Variants in CAMSAP3 observed in about 807,000 individuals in gnomAD.
CAMSAP3 encodes the protein calmodulin regulated spectrin associated protein family member 3.
CAMSAP3 carries 34 observed loss-of-function variants against 112.5 expected under a neutral mutation model. The ratio of observed to expected loss-of-function variants is 0.30; its 90% confidence interval spans 0.23 to 0.40. CAMSAP3 has a LOEUF of 0.40. CAMSAP3 is among the 10% of genes least tolerant of loss of function. The pLI, the probability that CAMSAP3 is intolerant of heterozygous loss-of-function variation, is 1.00. For missense variants in CAMSAP3, 1,602 were observed against 1,770.3 expected (o/e 0.90, Z 1.71); for synonymous variants, 868 against 799.8 (o/e 1.09, Z -1.44).
chr19:7,616,454 C>T (rs976894436), intron 13 of CAMSAP3, 69 bp from the exon 14 acceptor site: 1 of 1,114,534 alleles, frequency 9.0e-7, no homozygotes, highest in Admixed American at 1.7e-5. Flanking sequence ...CCCCCCACAG[C>T]CTGCTGGACC....
chr19:7,618,086 C>A lies in CAMSAP3; in HGVS notation c.*29C>A. On this transcript the variant is annotated 3_prime_UTR_variant, in exon 17 of 17. Transcript: ENST00000160298. ...CACCCGGGCGGTCCACGGGCCGGGC[C>A]CTGTGTGCTGCGGCCGCCATCCCCT... 1 of 1,593,730 alleles carries A rather than the reference C, an allele frequency of 6.3e-7. No individual in the cohort carries two copies. The highest frequency in any genetic ancestry group is 8.5e-7 in the Non-Finnish European group (1 of 1,169,934).
chr19:7,612,971 C>G lies in CAMSAP3; in HGVS notation c.2478C>G (p.Ile826Met). 1 of 1,599,910 alleles carries G rather than the reference C, an allele frequency of 6.3e-7. No homozygotes were observed. Among genetic ancestry groups the G allele is most frequent in the Non-Finnish European group, 8.5e-7 (1 of 1,175,520 alleles). ...SQVPVQTRSSILLAEETPPEE... is the reference protein window; with the variant it reads ...SQVPVQTRSSMLLAEETPPEE... Reference sequence around the variant, plus strand: ...TGCCCGTGCAGACGCGCTCTTCCATCCTCCTGGCGGAGGAGACGCCCCCCG... The same window carrying G: ...TGCCCGTGCAGACGCGCTCTTCCATGCTCCTGGCGGAGGAGACGCCCCCCG... The change falls in exon 11 of 17, where the codon ATC becomes ATG. Residue 826 changes from isoleucine (I) to methionine (M), a missense_variant. By Grantham distance (10) the Ile-to-Met change is conservative. Transcript: ENST00000160298.
At chr19:7,614,108 A>G (rs1477274593) in intron 11 of CAMSAP3, among the ~76,000 whole-genome samples, 1 of 151,630 alleles carries the variant, frequency 6.6e-6, no homozygotes, top group African/African-American at 2.4e-5. Context: ...AAAAATACAA[A>G]AAATTAGCTG....
chr19:7,614,315 T>C (rs1215023591), intron 11 of CAMSAP3, among the ~76,000 whole-genome samples: 1 of 128,530 alleles, frequency 7.8e-6, no homozygotes, highest in Non-Finnish European at 1.7e-5. Flanking sequence ...GGGGAGGACT[T>C]CCTTTTCATT....
At position 7,611,260 on chromosome 19, in the gene CAMSAP3, C is replaced by CAAT. The variant is rs2030471283; in HGVS notation, c.1123+94_1123+96dup. On this transcript the variant is annotated intron_variant, in intron 9 of 16. Coordinates refer to ENST00000160298, the MANE Select transcript of CAMSAP3 (RefSeq NM_020902.2). This position sits in a 1 kb window ranked among gnomAD's most constrained non-coding sequence, Gnocchi z 6.9. ...TCATGTTGTCTCCTCGTGAGCCTTCCAATAGCCTCTCCATCAGATCCCCCT... is the reference window on the plus strand; with the variant it reads ...TCATGTTGTCTCCTCGTGAGCCTTCCAATAATAGCCTCTCCATCAGATCCCCCT... The CAAT allele has an allele frequency of 8.6e-6, 11 of 1,283,860 alleles. 1 individual carries two copies. The East Asian group carries it at 2.6e-4, about 30-fold the overall frequency. The allele number at this position is 1,283,860 out of a possible 1,614,324, so 79.5% of individuals were successfully genotyped here.
In CAMSAP3 at chr19:7,618,043, G is replaced by A. The variant is rs772932910; in HGVS notation, c.3736G>A (p.Gly1246Ser). 24 of 1,612,366 alleles carry A rather than the reference G, an allele frequency of 1.5e-5. No individual in the cohort carries two copies. The South Asian group carries it at 2.0e-4, about 13-fold the overall frequency. The change falls in exon 17 of 17, where the codon GGC becomes AGC. Residue 1246 changes from glycine to serine, a missense_variant. Transcript: ENST00000160298. The stretch of plus-strand genomic sequence containing the variant: ...ACCCACCACTCCCAAGAAGGGCGGC[G>A]GCACCCCCAAATAGCCCCACCCGGG... ...KKPTTPKKGG[G>S]TPK
Position 7,601,743 on chromosome 19 carries a change from A to AAAAT in CAMSAP3, c.149-3479_149-3476dup, listed in dbSNP as rs1290192474. On this transcript the variant is annotated intron_variant, in intron 1 of 16. Transcript: ENST00000160298. ...AAAATAAAATAAAATAAAATAAAAT[A>AAAAT]AAATAAAATAAATGAATAAATAAAA... is the stretch of plus-strand genomic sequence containing the variant. Among the ~76,000 whole-genome samples the AAAAT allele has an allele frequency of 3.2e-3, 487 of 150,738 alleles. 2 individuals carry two copies. Among genetic ancestry groups the AAAAT allele is most frequent in the African/African-American group, 0.011 (451 of 41,226 alleles).
chr19:7,596,055 T>C lies in CAMSAP3; in HGVS notation c.53T>C (p.Val18Ala). ...GPGPLRRTFL[V>A]PEIKSLDQYD... Reference sequence around the variant, plus strand: ...GGGCCGCTGCGGAGGACCTTTCTAGTGCCCGAGATCAAGTCGCTGGACCAG... The same window carrying C: ...GGGCCGCTGCGGAGGACCTTTCTAGCGCCCGAGATCAAGTCGCTGGACCAG... Residue 18 changes from valine (V) to alanine (A), a missense_variant, in exon 1 of 17, where the codon GTG becomes GCG. This residue lies in a region of CAMSAP3 where 147 missense variants were observed against 144.6 expected (regional missense o/e 1.02). Transcript: ENST00000160298. 1 of 1,270,942 alleles carries C rather than the reference T, an allele frequency of 7.9e-7. No homozygotes were observed. Among genetic ancestry groups the C allele is most frequent in the Non-Finnish European group, 1.0e-6 (1 of 981,480 alleles). 78.7% of individuals were successfully genotyped at this position (1,270,942 alleles called of 1,614,324 possible).
rs1296076876 is a variant in CAMSAP3, at chr19:7,610,927, A to T, written c.1045A>T (p.Ser349Cys). The T allele has an allele frequency of 6.3e-7, 1 of 1,582,752 alleles. No homozygotes were observed. Among genetic ancestry groups the T allele is most frequent in the Non-Finnish European group, 8.6e-7 (1 of 1,163,282 alleles). The part of the protein sequence containing the change: ...EASPPQNNSG[S>C]SSPVFTFRHP... ...CTCCCCACCTCAGAACAACAGCGGCAGTAGGTACGCTCCCCACACTGGGCG... is the reference window on the plus strand; with the variant it reads ...CTCCCCACCTCAGAACAACAGCGGCTGTAGGTACGCTCCCCACACTGGGCG... The change falls in exon 8 of 17, where the codon AGT (serine) becomes TGT (cysteine). Residue 349 changes from serine to cysteine, a missense_variant. Physicochemically the swap from Ser to Cys is moderately radical, Grantham distance 112 (BLOSUM62 -1). Coordinates refer to ENST00000160298, the MANE Select transcript of CAMSAP3 (RefSeq NM_020902.2). The surrounding 1 kb of genome is among the most constrained non-coding windows in gnomAD (Gnocchi z 4.9).
At chr19:7,616,485 G>A in intron 13 of CAMSAP3, 38 bp from the exon 14 acceptor site, 1 of 1,417,114 alleles carries the variant, frequency 7.1e-7, no homozygotes, top group Non-Finnish European at 1.0e-6. Context: ...GAGGGCAGGG[G>A]CTTCTGGTGG....
At position 7,615,676 on chromosome 19, in the gene CAMSAP3, TGAC is replaced by T. The variant is rs2030746835; in HGVS notation, c.3073_3075del (p.Asp1025del). The T allele has an allele frequency of 7.0e-7, 1 of 1,425,366 alleles. No homozygotes were observed. The highest frequency in any genetic ancestry group is 9.1e-7 in the Non-Finnish European group (1 of 1,095,158). 88.3% of individuals were successfully genotyped at this position (1,425,366 alleles called of 1,614,324 possible). The stretch of plus-strand genomic sequence containing the variant: ...CCACCCGGCCTCGCTCGGGTTGCTG[TGAC>T]GACTCAGCCCTGGCACGAAGCCCAG... On this transcript the variant is annotated inframe_deletion, in exon 13 of 17. Coordinates refer to ENST00000160298, the MANE Select transcript of CAMSAP3 (RefSeq NM_020902.2). The surrounding 1 kb of genome is among the most constrained non-coding windows in gnomAD (Gnocchi z 6.5).
At position 7,605,370 on chromosome 19, in the gene CAMSAP3, C is replaced by T; in HGVS notation, c.293C>T (p.Pro98Leu). The change falls in exon 2 of 17, where the codon CCC becomes CTC. Residue 98 changes from proline (P) to leucine (L), a missense_variant. Physicochemically the swap from Pro to Leu is moderately conservative, Grantham distance 98 (BLOSUM62 -3). Coordinates refer to ENST00000160298, the MANE Select transcript of CAMSAP3 (RefSeq NM_020902.2). ...CAGGCACTGCCACAGCTTGAAACAC[C>T]CCCCAACCCCTCTGCACTGCTGGCC... Reference protein sequence around the residue: ...WRQALPQLETPPNPSALLALL... With the variant: ...WRQALPQLETLPNPSALLALL... The T allele has an allele frequency of 6.3e-7, 1 of 1,592,416 alleles. No individual in the cohort carries two copies.
chr19:7,608,812 T>C (rs1294205600), intron 5 of CAMSAP3, among the ~76,000 whole-genome samples: 3 of 151,708 alleles, frequency 2.0e-5, no homozygotes, highest in Non-Finnish European at 2.9e-5. Context: ...TTTTTGTATT[T>C]TTAGTAGAGA....
In CAMSAP3 at chr19:7,605,439, C is replaced by G. The variant is rs1337175949; in HGVS notation, c.362C>G (p.Pro121Arg). ...RGTVPALPER[P>R]VREADLRHQP... ...ACAGTGCCTGCTTTGCCCGAGCGCC[C>G]GGTGCGCGAGGCCGACCTGAGGCAC... The change falls in exon 2 of 17, where the codon CCG becomes CGG. Residue 121 changes from proline (P) to arginine (R), a missense_variant. Around this residue, in one of 6 missense-constraint regions of CAMSAP3, gnomAD observed 35 missense variants for 79.8 expected, o/e 0.44. Transcript: ENST00000160298. 5 of 1,451,980 alleles carry G rather than the reference C, an allele frequency of 3.4e-6. No homozygotes were observed. The highest frequency in any genetic ancestry group is 4.6e-6 in the Non-Finnish European group (5 of 1,098,844). 89.9% of individuals were successfully genotyped at this position (1,451,980 alleles called of 1,614,324 possible). A position where few individuals can be genotyped will look rare whatever the true frequency, so the allele number is the denominator to read the frequency against.
In CAMSAP3 at chr19:7,612,730, C is replaced by G; in HGVS notation, c.2237C>G (p.Pro746Arg). The change falls in exon 11 of 17, where the codon CCT (proline) becomes CGT (arginine). Residue 746 changes from proline to arginine, a missense_variant. Physicochemically the swap from Pro to Arg is moderately radical, Grantham distance 103. Transcript: ENST00000160298. ...CCACCACCTGCTGCGTGGGTCATCC[C>G]TGGCCCCACGACGGGGCCCAAAGCT... Reference protein sequence around the residue: ...SAPPPAAWVIPGPTTGPKAAS... With the variant: ...SAPPPAAWVIRGPTTGPKAAS... 2 of 1,532,164 alleles carry G rather than the reference C, an allele frequency of 1.3e-6. No homozygotes were observed. Among genetic ancestry groups the G allele is most frequent in the South Asian group, 2.4e-5 (2 of 83,814 alleles). 94.9% of individuals were successfully genotyped at this position (1,532,164 alleles called of 1,614,324 possible). A position where few individuals can be genotyped will look rare whatever the true frequency, so the allele number is the denominator to read the frequency against.
At position 7,608,390 on chromosome 19, in the gene CAMSAP3, C is replaced by T. The variant is rs539956643; in HGVS notation, c.760+126C>T. On this transcript the variant is annotated intron_variant, in intron 5 of 16. Transcript: ENST00000160298. ...ATGCAGTGGTCATGAGGGCAGCTTCCGGAACTGGCAGGCCTGAGTTTGTGT... is the reference window on the plus strand; with the variant it reads ...ATGCAGTGGTCATGAGGGCAGCTTCTGGAACTGGCAGGCCTGAGTTTGTGT... 303 of 1,175,912 alleles carry T rather than the reference C, an allele frequency of 2.6e-4. No individual in the cohort carries two copies. The African/African-American group carries it at 4.0e-3, about 15-fold the overall frequency. The allele number at this position is 1,175,912 out of a possible 1,614,324, so 72.8% of individuals were successfully genotyped here. A position where few individuals can be genotyped will look rare whatever the true frequency, so the allele number is the denominator to read the frequency against.
intron 11 of CAMSAP3, 44 bp downstream of exon 11, chr19:7,613,207 G>T: frequency 1.7e-6 from 2 of 1,176,994 alleles, no homozygotes; most frequent in African/African-American, 1.6e-5. Flanking sequence ...GGCCTGGGGC[G>T]GGGGCGGGTG....
At position 7,606,520 on chromosome 19, in the gene CAMSAP3, G is replaced by A; in HGVS notation, c.570G>A (p.Gln190=). The A allele has an allele frequency of 1.3e-6, 2 of 1,552,838 alleles. No individual in the cohort carries two copies. The highest frequency in any genetic ancestry group is 1.7e-6 in the Non-Finnish European group (2 of 1,157,800). The part of the protein sequence containing the change: ...LQEKTEQEAA[Q]RASPAAPADG... ...AGAAGACCGAGCAGGAAGCGGCCCA[G>A]CGAGCCTCTCCAGCAGCCCCTGCAG... Residue 190 remains glutamine (Q), a synonymous_variant, in exon 4 of 17, where the codon CAG becomes CAA. Transcript: ENST00000160298.
chr19:7,605,122 GAC>G (rs2030136192), intron 1 of CAMSAP3, 102 bp from the exon 2 acceptor site: 1 of 758,482 alleles, frequency 1.3e-6, no homozygotes, highest in Non-Finnish European at 2.0e-6. Flanking sequence ...CCCTGGTCCA[GAC>G]ACACTCTTAA....
Sources: allele counts gnomAD v4.1 joint callset (sites outside exome capture counted in the v4.1 genomes callset), GRCh38; gene constraint gnomAD v4.1.1; regional missense constraint gnomAD v4.1.1; non-coding constraint Gnocchi (gnomAD v3.1); transcripts MANE v1.5; gene names NCBI Gene and HGNC (gene_info 2026-07-23, HGNC 2026-07-21).